Variants in ATXN3 observed in about 807,000 individuals in gnomAD.
The protein encoded by ATXN3 is ataxin-3.
In ATXN3, 28 loss-of-function variants were observed where a neutral mutation model predicts 58.2. The ratio of observed to expected loss-of-function variants is 0.48; its 90% CI spans 0.36 to 0.66. ATXN3 has a LOEUF of 0.66. Among genes scored for constraint, ATXN3 ranks in the 30% least tolerant of loss-of-function variants. The pLI is 0.00. For missense variants in ATXN3, 321 were observed against 422.1 expected, an observed-to-expected ratio of 0.76 and a Z score of 2.10; for synonymous variants, 113 against 138.5, an observed-to-expected ratio of 0.82 and a Z score of 1.29.
At chr14:92,068,637 C>A (rs1029020813) in intron 10 of ATXN3, among the ~76,000 whole-genome samples, 1 of 152,014 alleles carries the variant, frequency 6.6e-6, no homozygotes, top group Non-Finnish European at 1.5e-5. Context: ...GTTGCCCAGG[C>A]TGGAGTGCAA....
upstream of ATXN3, among the ~76,000 whole-genome samples, chr14:92,051,854 AG>A (rs927209644): frequency 2.8e-5 from 4 of 144,114 alleles, no homozygotes; most frequent in Middle Eastern, 4.1e-3. Context: ...TAGCCTCCTT[AG>A]TAGCTGGGAT....
intron 10 of ATXN3, among the ~76,000 whole-genome samples, chr14:92,067,999 G>A (rs2058748117): frequency 6.6e-6 from 1 of 152,122 alleles, no homozygotes; most frequent in African/African-American, 2.4e-5. Context: ...ATCTCCACAT[G>A]GCCTCCACGG....
rs762420328 is a variant in ATXN3 at position 92,088,721 on chromosome 14, G to A, written c.475+9C>T. The stretch of plus-strand genomic sequence containing the variant: ...AGGTAACATTACAAAATGTTCAGCC[G>A]TTACTTACCTTCCTGTTGTAATTGA... On this transcript the variant is annotated intron_variant, in intron 6 of 10. Transcript: ENST00000644486. The A allele has an allele frequency of 3.3e-5, 52 of 1,561,062 alleles. No homozygotes were observed. The highest frequency in any genetic ancestry group is 3.1e-4 in the African/African-American group (23 of 73,688).
At chr14:92,103,908 G>A (rs933044330) in intron 1 of ATXN3, among the ~76,000 whole-genome samples, 8 of 152,146 alleles carry the variant, frequency 5.3e-5, no homozygotes, top group Non-Finnish European at 1.5e-5. Context: ...ATTGCAGAGG[G>A]GAAGGCAGTG....
At chr14:92,071,694 A>T (rs55737228) in intron 9 of ATXN3, 3,165 of 186,000 alleles carry the variant, frequency 0.017, 122 homozygotes, top group African/African-American at 0.072. Context: ...AATATTGTTG[A>T]AAGTCACCAA....
chr14:92,079,015 G>A (rs1325901280), intron 9 of ATXN3, among the ~76,000 whole-genome samples: 3 of 151,934 alleles, frequency 2.0e-5, no homozygotes, highest in African/African-American at 4.8e-5. Flanking sequence ...GTGAAATCCC[G>A]TGTCTACTAA....
intron 10 of ATXN3, among the ~76,000 whole-genome samples, chr14:92,066,937 T>G (rs2058563227): frequency 6.6e-6 from 1 of 151,964 alleles, no homozygotes; most frequent in Admixed American, 6.6e-5. Flanking sequence ...ACCTGGCTAA[T>G]TTTTGTATTT....
intron 6 of ATXN3, among the ~76,000 whole-genome samples, chr14:92,086,192 G>A (rs549823402): frequency 4.8e-5 from 7 of 146,484 alleles, no homozygotes; most frequent in African/African-American, 7.7e-5. Flanking sequence ...TGGATCACTC[G>A]AGGCCAGGAA....
chr14:92,051,718 CTTTTTTT>C (rs1160650510), upstream of ATXN3, among the ~76,000 whole-genome samples: 2 of 35,704 alleles, frequency 5.6e-5, no homozygotes, highest in Admixed American at 4.0e-4. Context: ...CTTTTCCTTT[CTTTTTTT>C]TTTTTTTTTT....
Position 92,061,314 on chromosome 14 carries a change from G to A in ATXN3, c.*3006C>T, listed in dbSNP as rs1158909712. 1 of 151,332 alleles carries A rather than the reference G, an allele frequency of 6.6e-6. No homozygotes were observed. The highest frequency in any genetic ancestry group is 2.4e-5 in the African/African-American group (1 of 41,194). 9.4% of individuals were successfully genotyped at this position (151,332 alleles called of 1,614,324 possible). On this transcript the variant is annotated 3_prime_UTR_variant, in exon 11 of 11. Coordinates refer to ENST00000644486, the MANE Select transcript of ATXN3 (RefSeq NM_004993.6). ...TGTAAATTATTTGGCCAAGATCCTA[G>A]TATAGAGTTTACCTGCAGCAGCCTT...
At chr14:92,099,739 G>A (rs1028545230) in intron 1 of ATXN3, among the ~76,000 whole-genome samples, 7 of 152,060 alleles carry the variant, frequency 4.6e-5, no homozygotes, top group African/African-American at 9.7e-5. Context: ...ATGGTGGTGC[G>A]TGCTTGTAGT....
chr14:92,054,313 T>C (rs1239920171), downstream of ATXN3, among the ~76,000 whole-genome samples: 1 of 152,166 alleles, frequency 6.6e-6, no homozygotes, highest in East Asian at 1.9e-4. Context: ...TAAGGCATTC[T>C]AAGTCACAGG....
intron 1 of ATXN3, among the ~76,000 whole-genome samples, chr14:92,097,850 C>T (rs1356029481): frequency 1.3e-5 from 2 of 152,112 alleles, no homozygotes; most frequent in Non-Finnish European, 2.9e-5. Flanking sequence ...CATAGTTGAA[C>T]TGAACTTTCA....
Position 92,080,946 on chromosome 14 carries a change from C to T in ATXN3, c.872+19G>A. On this transcript the variant is annotated intron_variant, in intron 9 of 10. Coordinates refer to ENST00000644486, the MANE Select transcript of ATXN3 (RefSeq NM_004993.6). ...GCAAATATTAAACATGCTACTTTAA[C>T]TTGTACCAACTACTTTACTTTTCAA... 1 of 1,565,740 alleles carries T rather than the reference C, an allele frequency of 6.4e-7. No individual in the cohort carries two copies. The highest frequency in any genetic ancestry group is 8.8e-7 in the Non-Finnish European group (1 of 1,136,770).
chr14:92,092,229 T>C (rs1378947205), intron 5 of ATXN3, among the ~76,000 whole-genome samples: 2 of 152,184 alleles, frequency 1.3e-5, no homozygotes, highest in Non-Finnish European at 2.9e-5. Context: ...GCAGGTAGTA[T>C]TTTGTTTGTG....
At chr14:92,101,601 T>C (rs1596022825) in intron 1 of ATXN3, among the ~76,000 whole-genome samples, 1 of 152,210 alleles carries the variant, frequency 6.6e-6, no homozygotes, top group Non-Finnish European at 1.5e-5. Context: ...CTCATGGCTG[T>C]AATTCCAGCA....
downstream of ATXN3, among the ~76,000 whole-genome samples, chr14:92,054,874 GTTTGTT>G (rs150241767): frequency 0.28 from 42,737 of 151,436 alleles, 6,334 homozygotes; most frequent in African/African-American, 0.38. Flanking sequence ...TGTTATATTA[GTTTGTT>G]TTTGTTTTTG....
chr14:92,096,813 T>C lies in ATXN3; in HGVS notation c.50A>G (p.His17Arg), dbSNP rs1227511159. The C allele has an allele frequency of 1.9e-6, 3 of 1,612,832 alleles. No homozygotes were observed. The highest frequency in any genetic ancestry group is 2.5e-6 in the Non-Finnish European group (3 of 1,179,766). Reference protein sequence around the residue: ...EKQEGSLCAQHCLNNLLQGEY... With the variant: ...EKQEGSLCAQRCLNNLLQGEY... ...TCCTTGCAATAAGTTATTCAGGCAATGTTGAGCACAAAGTGAGCCTTCTTG... is the reference window on the plus strand; with the variant it reads ...TCCTTGCAATAAGTTATTCAGGCAACGTTGAGCACAAAGTGAGCCTTCTTG... The change falls in exon 2 of 11, where the codon CAT becomes CGT. Residue 17 changes from histidine to arginine, a missense_variant. This residue lies in a region of ATXN3 where 121 missense variants were observed against 198.9 expected (regional missense o/e 0.61). Transcript: ENST00000644486.
intron 1 of ATXN3, among the ~76,000 whole-genome samples, chr14:92,101,894 C>A (rs901313304): frequency 1.3e-5 from 2 of 148,870 alleles, no homozygotes; most frequent in African/African-American, 5.0e-5. Flanking sequence ...GTAGCTCACG[C>A]CTGTAATCCC....
Sources: gnomAD v4.1 joint callset for allele counts (sites outside exome capture counted in the v4.1 genomes callset) on GRCh38, gnomAD v4.1.1 for gene constraint, gnomAD v4.1.1 regional missense constraint, MANE v1.5 for transcripts, NCBI Gene and HGNC (gene_info 2026-07-23, HGNC 2026-07-21) for gene names.